The following DYNC2I1 variants were observed in gnomAD, a reference collection of about 807,000 sequenced individuals.
DYNC2I1 encodes dynein 2 intermediate chain 1.
In DYNC2I1, 89 loss-of-function variants were observed where a neutral mutation model predicts 133.4. The ratio of observed to expected loss-of-function variants is 0.67; its 90% CI spans 0.56 to 0.80. DYNC2I1 has a LOEUF of 0.80. Among genes scored for constraint, DYNC2I1 ranks in the 30% least tolerant of loss-of-function variants. DYNC2I1 has a pLI of 0.00. For missense variants in DYNC2I1, 1,291 were observed against 1,314.5 expected, an observed-to-expected ratio of 0.98 and a Z score of 0.28; for synonymous variants, 504 against 484.3, an observed-to-expected ratio of 1.04 and a Z score of -0.54.
chr7:158,873,884 G>T (rs1843098993), intron 3 of DYNC2I1, among the ~76,000 whole-genome samples: 2 of 152,056 alleles, frequency 1.3e-5, no homozygotes, highest in African/African-American at 4.8e-5. Flanking sequence ...AGCCTCCCGA[G>T]TAGCTGGGAC....
intron 20 of DYNC2I1, among the ~76,000 whole-genome samples, chr7:158,928,916 C>A (rs1364543065): frequency 6.6e-6 from 1 of 152,148 alleles, no homozygotes; most frequent in Non-Finnish European, 1.5e-5. Context: ...CAAGCAATTA[C>A]GGATGGTACT....
At chr7:158,841,186 TA>T in the DYNC2I1 span, among the ~76,000 whole-genome samples, 5 of 56,502 alleles carry the variant, frequency 8.8e-5, no homozygotes, top group African/African-American at 2.2e-4. Context: ...TATATATATA[TA>T]TATATATATA....
At chr7:158,907,939 A>G (rs143646302) in intron 11 of DYNC2I1, among the ~76,000 whole-genome samples, 1 of 152,218 alleles carries the variant, frequency 6.6e-6, no homozygotes, top group African/African-American at 2.4e-5. Flanking sequence ...GTAGTTTTCT[A>G]GTTAGGTCCT....
rs768705431 is a variant in DYNC2I1, at chr7:158,914,286, C to A, written c.1756C>A (p.Pro586Thr). 1.9e-6 allele frequency: 3 copies of A among 1,612,806 alleles called. No individual in the cohort carries two copies. The East Asian group carries it at 6.7e-5, about 36-fold the overall frequency. The part of the protein sequence containing the change: ...DAVVMPKIDT[P>T]RLCSFLRAAC... ...TGTAGTTATGCCAAAGATTGATACTCCAAGGTTATGTAGCTTTCTGCGGGC... is the reference window on the plus strand; with the variant it reads ...TGTAGTTATGCCAAAGATTGATACTACAAGGTTATGTAGCTTTCTGCGGGC... Residue 586 changes from proline to threonine, a missense_variant, in exon 14 of 25, where the codon CCA becomes ACA. By Grantham distance (38) the Pro-to-Thr change is conservative (BLOSUM62 -1). Coordinates refer to ENST00000407559, the MANE Select transcript of DYNC2I1 (RefSeq NM_018051.5).
chr7:158,946,755 A>C (rs1585271659), downstream of DYNC2I1, among the ~76,000 whole-genome samples: 1 of 152,374 alleles, frequency 6.6e-6, no homozygotes, highest in African/African-American at 2.4e-5. Flanking sequence ...AATGTGTCAC[A>C]AACACCCATC....
intron 4 of DYNC2I1, among the ~76,000 whole-genome samples, chr7:158,952,645 C>T (rs554971889): frequency 9.2e-5 from 14 of 151,946 alleles, no homozygotes; most frequent in Non-Finnish European, 1.0e-4. Context: ...CCAGCCGCAT[C>T]ATAAGACAGA....
chr7:158,918,946 T>C, intron 15 of DYNC2I1, 77 bp downstream of exon 15: 1 of 1,430,730 alleles, frequency 7.0e-7, no homozygotes, highest in South Asian at 1.4e-5. Context: ...TGTAGTATAA[T>C]ATTTTATTTT....
At chr7:158,933,707 C>A (rs1402261189) in intron 21 of DYNC2I1, among the ~76,000 whole-genome samples, 1 of 152,190 alleles carries the variant, frequency 6.6e-6, no homozygotes, top group Non-Finnish European at 1.5e-5. Context: ...CAAATTGGGG[C>A]TCACAGGTTT....
In DYNC2I1 at chr7:158,930,507, G is replaced by A; in HGVS notation, c.2538G>A (p.Leu846=). 1 of 1,612,682 alleles carries A rather than the reference G, an allele frequency of 6.2e-7. No individual in the cohort carries two copies. The highest frequency in any genetic ancestry group is 8.5e-7 in the Non-Finnish European group (1 of 1,179,474). The change falls in exon 21 of 25, where the codon TTG becomes TTA. Residue 846 remains leucine, a synonymous_variant. Transcript: ENST00000407559. ...VKLVHSALIQ[L]GDSLSHKGNE... is the part of the protein sequence containing the mutation. ...TGGTACATAGTGCTCTGATCCAGTT[G>A]GGTGACAGGTAAGATGTGAGGGAAA...
chr7:158,937,481 C>G (rs999609315), intron 23 of DYNC2I1, among the ~76,000 whole-genome samples: 1 of 152,014 alleles, frequency 6.6e-6, no homozygotes, highest in African/African-American at 2.4e-5. Context: ...AAAAAATTAG[C>G]CTGGCGTGGT....
At chr7:158,931,560 C>G (rs1850220157) in intron 21 of DYNC2I1, among the ~76,000 whole-genome samples, 1 of 152,190 alleles carries the variant, frequency 6.6e-6, no homozygotes, top group Non-Finnish European at 1.5e-5. Context: ...TTTATCTCTG[C>G]TAGGGCCCTT....
chr7:158,955,229 C>A (rs1218894035), intron 4 of DYNC2I1, among the ~76,000 whole-genome samples: 1 of 152,214 alleles, frequency 6.6e-6, no homozygotes, highest in East Asian at 1.9e-4. Context: ...CCGTCTCTGC[C>A]CAGGCTGGTG....
chr7:158,883,648 C>T (rs1324148421), intron 5 of DYNC2I1, among the ~76,000 whole-genome samples: 1 of 149,056 alleles, frequency 6.7e-6, no homozygotes, highest in Non-Finnish European at 1.5e-5. Flanking sequence ...AGCTTCCTGA[C>T]CAGTGACTTC....
rs1007342598 is a variant in DYNC2I1, at chr7:158,866,795, G to A, written c.16-3060G>A. ...AGCTACTCAGGAGGCTGAGCCACGA[G>A]AATTGCTTGAACCTAGGAAGTGGAG... On this transcript the variant is annotated intron_variant, in intron 1 of 24. Coordinates refer to ENST00000407559, the MANE Select transcript of DYNC2I1 (RefSeq NM_018051.5). Among the ~76,000 whole-genome samples, 8 of 151,844 alleles carry A rather than the reference G, an allele frequency of 5.3e-5. No homozygotes were observed. The East Asian group carries it at 1.6e-3, about 30-fold the overall frequency.
intron 24 of DYNC2I1, among the ~76,000 whole-genome samples, chr7:158,943,693 G>A (rs1851598168): frequency 6.9e-6 from 1 of 145,432 alleles, no homozygotes; most frequent in Non-Finnish European, 1.5e-5. Flanking sequence ...TCATAGTGGA[G>A]AGCATGTTTG....
intron 3 of DYNC2I1, among the ~76,000 whole-genome samples, chr7:158,875,852 C>T (rs1843308269): frequency 6.6e-6 from 1 of 152,200 alleles, no homozygotes; most frequent in South Asian, 2.1e-4. Context: ...GCTGGTTCTC[C>T]TGTTCAGACT....
intron 1 of DYNC2I1, among the ~76,000 whole-genome samples, chr7:158,864,406 C>G (rs1842217764): frequency 6.6e-6 from 1 of 152,074 alleles, no homozygotes; most frequent in Non-Finnish European, 1.5e-5. Flanking sequence ...AGCTAGTGGT[C>G]ATCCTGAAGG....
At chr7:158,843,868 T>G in the DYNC2I1 span, among the ~76,000 whole-genome samples, 5 of 151,892 alleles carry the variant, frequency 3.3e-5, no homozygotes, top group African/African-American at 1.2e-4. Context: ...TTTGGGAACT[T>G]TAATATTTAA....
At chr7:158,856,488 A>G (rs1296958192), upstream of DYNC2I1, 2 of 384,936 alleles carry the variant, frequency 5.2e-6, no homozygotes, top group Non-Finnish European at 9.1e-6. Context: ...CACGCCGAGC[A>G]GCGACCACTC....
Sources: allele counts gnomAD v4.1 joint callset (sites outside exome capture counted in the v4.1 genomes callset), GRCh38; gene constraint gnomAD v4.1.1; transcripts MANE v1.5; gene names NCBI Gene and HGNC (gene_info 2026-07-23, HGNC 2026-07-21).